AGAP1: variants seen among roughly 807,000 people sequenced by gnomAD.
The protein encoded by AGAP1 is ArfGAP with GTPase domain, ankyrin repeat and PH domain 1.
Under a neutral mutation model 105.3 loss-of-function variants are expected in AGAP1, and 29 were observed. That is an observed-to-expected ratio of 0.28 (90% CI 0.21 to 0.38). The LOEUF is 0.38. Among genes scored for constraint, AGAP1 ranks in the 10% least tolerant of loss-of-function variants. AGAP1 has a pLI of 1.00. For missense variants in AGAP1, 998 were observed against 1,165.1 expected, an observed-to-expected ratio of 0.86 and a Z score of 2.09; for synonymous variants, 509 against 485.9, an observed-to-expected ratio of 1.05 and a Z score of -0.63.
chr2:236,026,216 T>G (rs1576100420), intron 13 of AGAP1, among the ~76,000 whole-genome samples: 1 of 152,158 alleles, frequency 6.6e-6, no homozygotes, highest in African/African-American at 2.4e-5. Context: ...GGAAGACACT[T>G]GATCATGTGC....
Position 235,665,975 on chromosome 2 carries a change from A to G in AGAP1, c.164-43204A>G, listed in dbSNP as rs563275712. Among the ~76,000 whole-genome samples, 18 of 152,372 alleles carry G rather than the reference A, an allele frequency of 1.2e-4. No homozygotes were observed. The South Asian group carries it at 3.7e-3, about 32-fold the overall frequency. ...GAGAATGTTTGATTTATAGGTAGCT[A>G]GAAATGACCCGGGACAGAGGAGTCG... On this transcript the variant is annotated intron_variant, in intron 1 of 17. Transcript: ENST00000304032. This position sits in a 1 kb window ranked among gnomAD's most constrained non-coding sequence, Gnocchi z 5.3.
intron 11 of AGAP1, among the ~76,000 whole-genome samples, chr2:235,915,314 A>G (rs1349104898): frequency 6.6e-6 from 1 of 152,254 alleles, no homozygotes; most frequent in Non-Finnish European, 1.5e-5. Context: ...AGGAAATTAT[A>G]ACTCCTATCA....
At position 235,620,186 on chromosome 2, in the gene AGAP1, G is replaced by T. The variant is rs1225652106; in HGVS notation, c.164-88993G>T. On this transcript the variant is annotated intron_variant, in intron 1 of 17. Coordinates refer to ENST00000304032, the MANE Select transcript of AGAP1 (RefSeq NM_001037131.3). The surrounding 1 kb of genome is among the most constrained non-coding windows in gnomAD (Gnocchi z 4.5). ...AACTACTTTCCAGAAATCAGCAAAT[G>T]CTGGGCTGTGCCTTCAAAGTATATC... is the stretch of plus-strand genomic sequence containing the variant. Among the ~76,000 whole-genome samples, 1 of 152,140 alleles carries T rather than the reference G, an allele frequency of 6.6e-6. No homozygotes were observed. Among genetic ancestry groups the T allele is most frequent in the Non-Finnish European group, 1.5e-5 (1 of 68,022 alleles).
intron 6 of AGAP1, among the ~76,000 whole-genome samples, chr2:235,778,146 T>A (rs1362556836): frequency 6.6e-6 from 1 of 152,064 alleles, no homozygotes; most frequent in East Asian, 1.9e-4. Context: ...CTGGCTCAGG[T>A]TAGACCCCTG....
rs545097110 is a variant in AGAP1 at position 235,786,405 on chromosome 2, C to T, written c.674-11354C>T. Among the ~76,000 whole-genome samples the T allele has an allele frequency of 2.0e-5, 3 of 152,316 alleles. No homozygotes were observed. In the South Asian group the frequency reaches 6.2e-4, roughly 32 times the overall value. ...ACCTAGTCTAGAAAGCTCTGCTCTT[C>T]GGAAGATCTTTAATTTATGCTTTTT... On this transcript the variant is annotated intron_variant, in intron 6 of 17. Coordinates refer to ENST00000304032, the MANE Select transcript of AGAP1 (RefSeq NM_001037131.3).
At position 235,717,658 on chromosome 2, in the gene AGAP1, C is replaced by T. The variant is rs1951186425; in HGVS notation, c.310+14C>T. On this transcript the variant is annotated intron_variant, in intron 3 of 17. Coordinates refer to ENST00000304032, the MANE Select transcript of AGAP1 (RefSeq NM_001037131.3). Reference sequence around the variant, plus strand: ...AGTCTCCGGAAGGTATGCTGTTTGGCAGGCAGTTGCAAACTTAAGAATGTA... The same window carrying T: ...AGTCTCCGGAAGGTATGCTGTTTGGTAGGCAGTTGCAAACTTAAGAATGTA... The T allele has an allele frequency of 6.3e-7, 1 of 1,590,604 alleles. No individual in the cohort carries two copies. Among genetic ancestry groups the T allele is most frequent in the Admixed American group, 1.9e-5 (1 of 53,314 alleles).
chr2:236,121,901 T>A lies in AGAP1; in HGVS notation c.2370+1454T>A, dbSNP rs964228059. Among the ~76,000 whole-genome samples, 24 of 152,098 alleles carry A rather than the reference T, an allele frequency of 1.6e-4. No homozygotes were observed. Among genetic ancestry groups the A allele is most frequent in the Admixed American group, 1.5e-3 (23 of 15,250 alleles). Reference sequence around the variant, plus strand: ...GGTAGACGGCCGCCCTCTCCCTATGTTCTCACAGGGCCTTTCCTCTGCACT... The same window carrying A: ...GGTAGACGGCCGCCCTCTCCCTATGATCTCACAGGGCCTTTCCTCTGCACT... On this transcript the variant is annotated intron_variant, in intron 17 of 17. Transcript: ENST00000304032. This position sits in a 1 kb window ranked among gnomAD's most constrained non-coding sequence, Gnocchi z 4.9.
In AGAP1 at chr2:235,622,126, A is replaced by G. The variant is rs1946503569; in HGVS notation, c.164-87053A>G. Among the ~76,000 whole-genome samples, 2 of 152,030 alleles carry G rather than the reference A, an allele frequency of 1.3e-5. No individual in the cohort carries two copies. Among genetic ancestry groups the G allele is most frequent in the African/African-American group, 4.8e-5 (2 of 41,344 alleles). ...GGTTACATGCAGACATCCAAAATAAACTTTTTTTTTTCTGTACAAAATTAG... is the reference window on the plus strand; with the variant it reads ...GGTTACATGCAGACATCCAAAATAAGCTTTTTTTTTTCTGTACAAAATTAG... On this transcript the variant is annotated intron_variant, in intron 1 of 17. Transcript: ENST00000304032. The surrounding 1 kb of genome is among the most constrained non-coding windows in gnomAD (Gnocchi z 5.0).
intron 11 of AGAP1, among the ~76,000 whole-genome samples, chr2:235,914,483 G>T (rs936278985): frequency 6.6e-6 from 1 of 152,016 alleles, no homozygotes; most frequent in Non-Finnish European, 1.5e-5. Context: ...TGGGGCAATT[G>T]AATAGAAAAT....
intron 9 of AGAP1, among the ~76,000 whole-genome samples, chr2:235,847,698 C>T (rs548565143): frequency 7.9e-5 from 12 of 152,336 alleles, no homozygotes; most frequent in Admixed American, 5.2e-4. Context: ...GATCCTGAAA[C>T]GGGCGCCTTT....
At chr2:235,938,404 C>G (rs2053093846) in intron 12 of AGAP1, among the ~76,000 whole-genome samples, 1 of 152,198 alleles carries the variant, frequency 6.6e-6, no homozygotes, top group Non-Finnish European at 1.5e-5. Context: ...GCAGCGTGTC[C>G]CCCTGCTGCG....
At chr2:235,756,622 C>A (rs1158065346) in intron 6 of AGAP1, among the ~76,000 whole-genome samples, 7 of 152,114 alleles carry the variant, frequency 4.6e-5, no homozygotes, top group African/African-American at 7.2e-5. Context: ...ATTTGCATCC[C>A]AGCATGTTTT....
At chr2:235,968,947 C>T (rs1036405964) in intron 13 of AGAP1, among the ~76,000 whole-genome samples, 8 of 152,306 alleles carry the variant, frequency 5.3e-5, no homozygotes, top group African/African-American at 1.7e-4. Context: ...CGAGTGTCCT[C>T]TCCAGCCAAG....
chr2:235,808,962 C>G (rs10929147), intron 9 of AGAP1, among the ~76,000 whole-genome samples: 35,167 of 152,098 alleles, frequency 0.23, 5,149 homozygotes, highest in Admixed American at 0.4. Context: ...TTTTATGCCA[C>G]TGATACCTTT....
rs1365469303 is a variant in AGAP1, at chr2:235,535,606, C to A, written c.163+40757C>A. Among the ~76,000 whole-genome samples, 2 of 151,958 alleles carry A rather than the reference C, an allele frequency of 1.3e-5. No individual in the cohort carries two copies. Among genetic ancestry groups the A allele is most frequent in the Non-Finnish European group, 2.9e-5 (2 of 67,980 alleles). ...CGGGGCCAAAGGTTTCCTCAAAGAC[C>A]CTGGGGGCCGGGCGGGGCTGTGCCA... On this transcript the variant is annotated intron_variant, in intron 1 of 17. Coordinates refer to ENST00000304032, the MANE Select transcript of AGAP1 (RefSeq NM_001037131.3). This position sits in a 1 kb window ranked among gnomAD's most constrained non-coding sequence, Gnocchi z 5.1.
At chr2:235,681,128 C>G (rs1949046719) in intron 1 of AGAP1, among the ~76,000 whole-genome samples, 1 of 152,170 alleles carries the variant, frequency 6.6e-6, no homozygotes, top group Non-Finnish European at 1.5e-5. Context: ...CCTGCCTCAG[C>G]CTCCTGAGTA....
intron 13 of AGAP1, among the ~76,000 whole-genome samples, chr2:235,987,134 TATTTATTG>T (rs1326746458): frequency 4.6e-4 from 70 of 151,300 alleles, no homozygotes; most frequent in East Asian, 3.1e-3. Flanking sequence ...TTTATTTATT[TATTTATTG>T]GTTGGTAGGC....
At position 236,009,282 on chromosome 2, in the gene AGAP1, C is replaced by A. The variant is rs150303683; in HGVS notation, c.1646-27279C>A. Among the ~76,000 whole-genome samples the A allele has an allele frequency of 1.9e-4, 29 of 152,300 alleles. No homozygotes were observed. Among genetic ancestry groups the A allele is most frequent in the African/African-American group, 6.0e-4 (25 of 41,560 alleles). The stretch of plus-strand genomic sequence containing the variant: ...ACAAAAGAAATCCCCAATCTCTAAC[C>A]TCACAATGAAATCGCCACGGACAAA... On this transcript the variant is annotated intron_variant, in intron 13 of 17. Transcript: ENST00000304032. This position sits in a 1 kb window ranked among gnomAD's most constrained non-coding sequence, Gnocchi z 4.2.
In AGAP1 at chr2:235,788,230, G is replaced by A. The variant is rs1956767110; in HGVS notation, c.674-9529G>A. On this transcript the variant is annotated intron_variant, in intron 6 of 17. Coordinates refer to ENST00000304032, the MANE Select transcript of AGAP1 (RefSeq NM_001037131.3). The surrounding 1 kb of genome is among the most constrained non-coding windows in gnomAD (Gnocchi z 6.0). ...TACGGTACAGCCAGCCGGAGACACA[G>A]GGTTCCAGACACAGCTTAATTCCTT... Among the ~76,000 whole-genome samples, 1 of 146,180 alleles carries A rather than the reference G, an allele frequency of 6.8e-6. No individual in the cohort carries two copies. Among genetic ancestry groups the A allele is most frequent in the Non-Finnish European group, 1.5e-5 (1 of 68,002 alleles).
Sources: gnomAD v4.1 joint callset for allele counts (sites outside exome capture counted in the v4.1 genomes callset) on GRCh38, gnomAD v4.1.1 for gene constraint, Gnocchi (gnomAD v3.1) non-coding constraint, MANE v1.5 for transcripts, NCBI Gene and HGNC (gene_info 2026-07-23, HGNC 2026-07-21) for gene names.